The following AKAP6 variants were observed in gnomAD, a reference collection of about 807,000 sequenced individuals.
AKAP6 encodes the protein A-kinase anchor protein 6.
In AKAP6, 58 loss-of-function variants were observed where a neutral mutation model predicts 188.5. The observed-to-expected ratio is 0.31, with a 90% confidence interval of 0.25 to 0.38. The LOEUF is 0.38. Among genes scored for constraint, AKAP6 ranks in the 10% least tolerant of loss-of-function variants. AKAP6 has a pLI of 1.00. For missense variants in AKAP6, 2,710 were observed against 2,740.0 expected (o/e 0.99, Z 0.24); for synonymous variants, 989 against 998.6 (o/e 0.99, Z 0.18).
At chr14:32,618,710 C>T (rs1886689221) in intron 7 of AKAP6, among the ~76,000 whole-genome samples, 2 of 152,146 alleles carry the variant, frequency 1.3e-5, no homozygotes, top group African/African-American at 4.8e-5. Context: ...GAGTAGATAC[C>T]CAGTAGTGGG....
At chr14:32,386,968 C>A (rs1005907904) in intron 1 of AKAP6, among the ~76,000 whole-genome samples, 11 of 152,026 alleles carry the variant, frequency 7.2e-5, no homozygotes, top group Non-Finnish European at 1.3e-4. Flanking sequence ...AGTGTATGTG[C>A]TGATTTTTAT....
intron 13 of AKAP6, among the ~76,000 whole-genome samples, chr14:32,826,856 C>T (rs1413394548): frequency 6.6e-6 from 1 of 152,072 alleles, no homozygotes; most frequent in Admixed American, 6.6e-5. Context: ...TTTGTTAAGC[C>T]CCGGTGATGC....
At chr14:32,659,368 A>G (rs1460270543) in intron 7 of AKAP6, among the ~76,000 whole-genome samples, 2 of 152,106 alleles carry the variant, frequency 1.3e-5, no homozygotes, top group Admixed American at 6.6e-5. Flanking sequence ...TTTTGGTCCT[A>G]GATTTGTATT....
chr14:32,780,270 T>C (rs1265507700), intron 12 of AKAP6, among the ~76,000 whole-genome samples: 1 of 151,594 alleles, frequency 6.6e-6, no homozygotes. Context: ...TGGAGGACAT[T>C]ATGCTAAGTG....
At chr14:32,443,799 T>C (rs1471079068) in intron 2 of AKAP6, among the ~76,000 whole-genome samples, 4 of 152,222 alleles carry the variant, frequency 2.6e-5, no homozygotes, top group Non-Finnish European at 4.4e-5. Flanking sequence ...CTATATACTT[T>C]AAATGTACTA....
intron 2 of AKAP6, among the ~76,000 whole-genome samples, chr14:32,529,626 C>G (rs1882305071): frequency 6.6e-6 from 1 of 152,136 alleles, no homozygotes; most frequent in Admixed American, 6.6e-5. Context: ...TATTCTTTAT[C>G]AAGTTGAGAA....
chr14:32,413,550 A>C (rs371803839), intron 1 of AKAP6, among the ~76,000 whole-genome samples: 1 of 152,228 alleles, frequency 6.6e-6, no homozygotes, highest in East Asian at 1.9e-4. Flanking sequence ...CTGAATCACA[A>C]ATTTCTCCCT....
chr14:32,718,717 A>G (rs1016450143), intron 9 of AKAP6, among the ~76,000 whole-genome samples: 7 of 152,222 alleles, frequency 4.6e-5, no homozygotes, highest in African/African-American at 1.7e-4. Flanking sequence ...GTTTCACCAA[A>G]TAAGTTTTTC....
In AKAP6 at chr14:32,344,920, A is replaced by T. The variant is rs180785607; in HGVS notation, c.-35+15512A>T. On this transcript the variant is annotated intron_variant, in intron 1 of 13. Coordinates refer to ENST00000280979, the MANE Select transcript of AKAP6 (RefSeq NM_004274.5). ...AACAGAGTGAGACTCTGTCTTAAAA[A>T]AAAAAAAAAAAAAAAAAGAGAGAGA... Among the ~76,000 whole-genome samples, 141 of 150,976 alleles carry T rather than the reference A, an allele frequency of 9.3e-4. 3 individuals carry two copies. In the East Asian group the frequency reaches 0.026, roughly 27 times the overall value.
At position 32,834,816 on chromosome 14, in the gene AKAP6, T is replaced by C. The variant is rs1307936718; in HGVS notation, c.*5011T>C. The C allele has an allele frequency of 6.6e-6, 1 of 152,204 alleles. No individual in the cohort carries two copies. Among genetic ancestry groups the C allele is most frequent in the Non-Finnish European group, 1.5e-5 (1 of 68,050 alleles). The allele number at this position is 152,204 out of a possible 1,614,324, so 9.4% of individuals were successfully genotyped here. A position where few individuals can be genotyped will look rare whatever the true frequency, so the allele number is the denominator to read the frequency against. ...ATGTTTTAAAGTTCACAGCTTACTC[T>C]TTCAGCCCATGCTTCATCCATCTAA... On this transcript the variant is annotated 3_prime_UTR_variant, in exon 14 of 14. Coordinates refer to ENST00000280979, the MANE Select transcript of AKAP6 (RefSeq NM_004274.5).
chr14:32,582,740 C>T (rs1196274091), intron 5 of AKAP6, among the ~76,000 whole-genome samples: 2 of 152,006 alleles, frequency 1.3e-5, no homozygotes, highest in African/African-American at 4.8e-5. Flanking sequence ...TCATTCATTT[C>T]ATCTTCCATC....
chr14:32,484,794 C>T, intron 2 of AKAP6: 1 of 215,814 alleles, frequency 4.6e-6, no homozygotes, highest in Non-Finnish European at 6.7e-6. Flanking sequence ...CAACGGTCGG[C>T]GAACATCAGT....
At chr14:32,636,591 A>G (rs892792359) in intron 7 of AKAP6, among the ~76,000 whole-genome samples, 3 of 152,060 alleles carry the variant, frequency 2.0e-5, no homozygotes, top group South Asian at 2.1e-4. Context: ...GTGGTAAGTC[A>G]TAATGGTAGA....
intron 2 of AKAP6, among the ~76,000 whole-genome samples, chr14:32,507,485 T>C (rs1880938895): frequency 6.6e-6 from 1 of 152,074 alleles, no homozygotes; most frequent in African/African-American, 2.4e-5. Context: ...GTTGTGCTTA[T>C]TAAGTGGTGT....
chr14:32,745,469 CTCTCTCTCTCTCTCTCTCTCTCTCTCTG>C (rs368286859), intron 11 of AKAP6, among the ~76,000 whole-genome samples: 697 of 67,182 alleles, frequency 0.01, 4 homozygotes, highest in African/African-American at 0.053. Flanking sequence ...CATTCTCTCT[CTCTCTCTCTCTCTCTCTCTCTCTCTCTG>C]TCTCTCTCTC....
Position 32,822,668 on chromosome 14 carries a change from A to G in AKAP6, c.4855A>G (p.Ser1619Gly), listed in dbSNP as rs2034560453. ...TAGCTGTCACAGCTCTGGGGATATA[A>G]GCGTGAGCAGTGGCTCAGTTGGTGA... ...LFSCHSSGDI[S>G]VSSGSVGELS... The change falls in exon 13 of 14, where the codon AGC becomes GGC. Residue 1619 changes from serine to glycine, a missense_variant. This residue lies in a region of AKAP6 where 2,473 missense variants were observed against 2,426.1 expected (regional missense o/e 1.02). Transcript: ENST00000280979. 2 of 1,613,908 alleles carry G rather than the reference A, an allele frequency of 1.2e-6. No homozygotes were observed. The highest frequency in any genetic ancestry group is 1.7e-6 in the Non-Finnish European group (2 of 1,179,950).
At chr14:32,405,761 A>G (rs2138631268) in intron 1 of AKAP6, among the ~76,000 whole-genome samples, 1 of 152,180 alleles carries the variant, frequency 6.6e-6, no homozygotes, top group Non-Finnish European at 1.5e-5. Context: ...GCTAGCACCC[A>G]TTCTCTCTCC....
At chr14:32,654,668 GACC>G (rs1888376694) in intron 7 of AKAP6, among the ~76,000 whole-genome samples, 2 of 147,944 alleles carry the variant, frequency 1.4e-5, no homozygotes, top group South Asian at 2.2e-4. Flanking sequence ...AACGTGGCAA[GACC>G]TTGTCTCTAC....
chr14:32,829,242 TATGTACCTTAAATGAA>T (rs147285155), intron 13 of AKAP6, among the ~76,000 whole-genome samples: 9,208 of 152,294 alleles, frequency 0.06, 348 homozygotes, highest in South Asian at 0.15. Context: ...CACAATGCTG[TATGTACCTTAAATGAA>T]ATGCATTACT....
Sources: gnomAD v4.1 joint callset for allele counts (sites outside exome capture counted in the v4.1 genomes callset) on GRCh38, gnomAD v4.1.1 for gene constraint, gnomAD v4.1.1 regional missense constraint, MANE v1.5 for transcripts, NCBI Gene and HGNC (gene_info 2026-07-23, HGNC 2026-07-21) for gene names.